The following NACC2 variants were observed in gnomAD, a reference collection of about 807,000 sequenced individuals.
NACC2 encodes the protein NACC family member 2.
NACC2 carries 8 observed loss-of-function variants against 25.1 expected under a neutral mutation model. That is an observed-to-expected ratio of 0.32 (90% confidence interval 0.19 to 0.57). NACC2 has a LOEUF of 0.57. Ranked by LOEUF, NACC2 falls within the 20% of genes least tolerant of loss-of-function variation. The pLI is 0.89. For synonymous variants in NACC2, 435 were observed against 294.7 expected, an observed-to-expected ratio of 1.48 and a Z score of -4.88; for missense variants, 644 against 650.2, an observed-to-expected ratio of 0.99 and a Z score of 0.10.
At position 136,086,574 on chromosome 9, in the gene NACC2, CA is replaced by C. The variant is rs1472326021; in HGVS notation, c.-60+8614del. On this transcript the variant is annotated intron_variant, in intron 1 of 5. Coordinates refer to ENST00000277554, the MANE Select transcript of NACC2 (RefSeq NM_144653.5). The surrounding 1 kb of genome is among the most constrained non-coding windows in gnomAD (Gnocchi z 5.6). ...TCCCACCCCGGGCTCCACTGTGACC[CA>C]CACGCTGTCATTTCCAGGCCACTTC... Among the ~76,000 whole-genome samples, 5 of 152,128 alleles carry C rather than the reference CA, an allele frequency of 3.3e-5. No individual in the cohort carries two copies. The highest frequency in any genetic ancestry group is 1.2e-4 in the African/African-American group (5 of 41,420).
At chr9:136,074,831 C>T (rs1050656874) in intron 1 of NACC2, among the ~76,000 whole-genome samples, 5 of 152,142 alleles carry the variant, frequency 3.3e-5, no homozygotes, top group African/African-American at 1.2e-4. Context: ...CACTCAGCCT[C>T]GGCGTCTACA....
chr9:136,016,275 C>G lies in NACC2; in HGVS notation c.1041G>C (p.Glu347Asp). Residue 347 changes from glutamate (E) to aspartate (D), a missense_variant, in exon 3 of 6, where the codon GAG (glutamate) becomes GAC (aspartate). Transcript: ENST00000277554. ...YSEGDPGEKL[E>D]LVAGSGVYIT... is the part of the protein sequence containing the mutation. ...GGGAGGCAGCCTCACCTGCCACCAGCTCCAGCTTCTCCCCGGGGTCCCCTT... is the reference window on the plus strand; with the variant it reads ...GGGAGGCAGCCTCACCTGCCACCAGGTCCAGCTTCTCCCCGGGGTCCCCTT... The G allele has an allele frequency of 6.2e-7, 1 of 1,612,802 alleles. No individual in the cohort carries two copies. The highest frequency in any genetic ancestry group is 8.5e-7 in the Non-Finnish European group (1 of 1,180,006).
chr9:136,023,044 GGGAAGGAGGGA>G (rs1564220569), intron 2 of NACC2, among the ~76,000 whole-genome samples: 3 of 88,532 alleles, frequency 3.4e-5, no homozygotes, highest in African/African-American at 4.7e-5. Context: ...GAAGGAGGGA[GGGAAGGAGGGA>G]GGAAGGAGGG....
chr9:136,085,147 T>TC (rs1349028480), intron 1 of NACC2, among the ~76,000 whole-genome samples: 1 of 122,230 alleles, frequency 8.2e-6, no homozygotes. Flanking sequence ...ATTTTTTTTT[T>TC]TTTTTTTTTT....
intron 2 of NACC2, among the ~76,000 whole-genome samples, chr9:136,028,599 G>A (rs866716524): frequency 2.2e-4 from 34 of 152,234 alleles, no homozygotes; most frequent in Middle Eastern, 6.8e-3. Flanking sequence ...AGGGCTGCAC[G>A]CTCCATGGAG....
intron 2 of NACC2, 38 bp downstream of exon 2, chr9:136,049,598 C>T: frequency 1.3e-6 from 1 of 752,920 alleles, no homozygotes. Context: ...GCCCCGCTTC[C>T]CAGCCAGGTG....
intron 2 of NACC2, among the ~76,000 whole-genome samples, chr9:136,028,661 G>A (rs1010147295): frequency 1.3e-5 from 2 of 152,146 alleles, no homozygotes; most frequent in Admixed American, 6.5e-5. Context: ...AAGTTGGAGG[G>A]GTGGGAGTTC....
chr9:136,085,183 CTT>C lies in NACC2; in HGVS notation c.-60+10004_-60+10005del, dbSNP rs1258822501. Among the ~76,000 whole-genome samples the C allele has an allele frequency of 7.8e-5, 8 of 103,164 alleles. No homozygotes were observed. In the East Asian group the frequency reaches 1.3e-3, roughly 17 times the overall value. The allele number at this position is 103,164 out of a possible 152,430, so 67.7% of individuals were successfully genotyped here. Reference sequence around the variant, plus strand: ...TTTTTTGGCGAGACTGAGTTTCGCTCTTGTCGCCCAGGCTGGAGTGCAGTGGT... The same window carrying C: ...TTTTTTGGCGAGACTGAGTTTCGCTCGTCGCCCAGGCTGGAGTGCAGTGGT... On this transcript the variant is annotated intron_variant, in intron 1 of 5. Coordinates refer to ENST00000277554, the MANE Select transcript of NACC2 (RefSeq NM_144653.5).
chr9:136,033,894 GGTGTGTGTGT>G lies in NACC2; in HGVS notation c.886+15732_886+15741del, dbSNP rs57460855. ...ATGCAATCCCAATCAAATTCCAGCA[GGTGTGTGTGT>G]GTGTGTGTGTGTGTGTGTGTGTGTG... On this transcript the variant is annotated intron_variant, in intron 2 of 5. Coordinates refer to ENST00000277554, the MANE Select transcript of NACC2 (RefSeq NM_144653.5). 5.5e-3 allele frequency among the ~76,000 whole-genome samples: 755 copies of G among 137,024 alleles called. 5 individuals are homozygous for G. The highest frequency in any genetic ancestry group is 0.016 in the African/African-American group (581 of 36,444). The allele number at this position is 137,024 out of a possible 152,430, so 89.9% of individuals were successfully genotyped here.
At chr9:136,015,158 T>G (rs1219658239) in intron 3 of NACC2, among the ~76,000 whole-genome samples, 1 of 152,048 alleles carries the variant, frequency 6.6e-6, no homozygotes, top group Admixed American at 6.6e-5. Flanking sequence ...TCCAATCCCA[T>G]CAGCCCCACA....
intron 2 of NACC2, among the ~76,000 whole-genome samples, chr9:136,049,375 G>A (rs957216392): frequency 7.2e-5 from 11 of 152,176 alleles, no homozygotes; most frequent in South Asian, 2.1e-4. Context: ...CCTGGGCCAC[G>A]GGACACCTGC....
At chr9:136,036,465 TA>T (rs1402194519) in intron 2 of NACC2, among the ~76,000 whole-genome samples, 1 of 152,216 alleles carries the variant, frequency 6.6e-6, no homozygotes, top group Non-Finnish European at 1.5e-5. Flanking sequence ...TGATACAGGT[TA>T]TTTTATATAT....
chr9:136,059,029 A>T (rs1166336730), intron 1 of NACC2, among the ~76,000 whole-genome samples: 3 of 152,204 alleles, frequency 2.0e-5, no homozygotes, highest in Non-Finnish European at 4.4e-5. Flanking sequence ...TGGGGGCTGT[A>T]GAGGGAAGGT....
chr9:136,012,663 T>G (rs939912797), intron 5 of NACC2, among the ~76,000 whole-genome samples: 1 of 151,758 alleles, frequency 6.6e-6, no homozygotes, highest in East Asian at 1.9e-4. Flanking sequence ...TTTTTTTTTT[T>G]TTTTTTTTTT....
At chr9:136,015,061 C>T (rs1840180390) in intron 3 of NACC2, among the ~76,000 whole-genome samples, 1 of 152,178 alleles carries the variant, frequency 6.6e-6, no homozygotes, top group Non-Finnish European at 1.5e-5. Context: ...CATGGCCCGT[C>T]TCCTGCCCCA....
At chr9:136,043,542 C>T (rs1238319321) in intron 2 of NACC2, among the ~76,000 whole-genome samples, 4 of 152,248 alleles carry the variant, frequency 2.6e-5, no homozygotes, top group African/African-American at 9.6e-5. Flanking sequence ...CCCTTGGCCT[C>T]ATGCGTTCAA....
intron 1 of NACC2, among the ~76,000 whole-genome samples, chr9:136,063,041 G>A (rs898632256): frequency 6.6e-6 from 1 of 152,214 alleles, no homozygotes. Flanking sequence ...CGACTTTGCC[G>A]TCACTGTTTT....
In NACC2 at chr9:136,091,832, T is replaced by TAA. The variant is rs60751608; in HGVS notation, c.-60+3355_-60+3356dup. Among the ~76,000 whole-genome samples, 241 of 148,808 alleles carry TAA rather than the reference T, an allele frequency of 1.6e-3. No homozygotes were observed. The Middle Eastern group carries it at 0.017, about 11-fold the overall frequency. Reference sequence around the variant, plus strand: ...GGGCTGGTGAGAGCAAGGATTTGCTTAAAAAAAAAACCAACAACAACAACA... The same window carrying TAA: ...GGGCTGGTGAGAGCAAGGATTTGCTTAAAAAAAAAAAACCAACAACAACAACA... On this transcript the variant is annotated intron_variant, in intron 1 of 5. Transcript: ENST00000277554.
chr9:136,079,058 CTTT>C (rs10540260), intron 1 of NACC2, among the ~76,000 whole-genome samples: 13 of 148,540 alleles, frequency 8.8e-5, no homozygotes, highest in African/African-American at 7.4e-5. Context: ...ATAGCTTCTT[CTTT>C]TTTTTTTTTT....
Sources: allele counts gnomAD v4.1 joint callset (sites outside exome capture counted in the v4.1 genomes callset), GRCh38; gene constraint gnomAD v4.1.1; non-coding constraint Gnocchi (gnomAD v3.1); transcripts MANE v1.5; gene names NCBI Gene and HGNC (gene_info 2026-07-23, HGNC 2026-07-21).